GDA: variants seen among roughly 807,000 people sequenced by gnomAD.
GDA encodes cytoplasmic PSD-95 interactor.
In GDA, 18 loss-of-function variants were observed where a neutral mutation model predicts 59.6. That is an observed-to-expected ratio of 0.30 (90% CI 0.21 to 0.45). The LOEUF is 0.45. Among genes scored for constraint, GDA ranks in the 20% least tolerant of loss-of-function variants. The pLI is 1.00. For synonymous variants in GDA, 201 were observed against 201.1 expected, an observed-to-expected ratio of 1.00 and a Z score of 0.00; for missense variants, 427 against 552.3, an observed-to-expected ratio of 0.77 and a Z score of 2.27.
At chr9:72,219,991 A>G (rs771364600) in intron 6 of GDA, among the ~76,000 whole-genome samples, 20 of 152,244 alleles carry the variant, frequency 1.3e-4, no homozygotes, top group Non-Finnish European at 1.5e-5. Context: ...TCATTGCAGT[A>G]TCATTCAGAA....
Position 72,123,475 on chromosome 9 carries a change from G to C in GDA, c.-100+8642G>C, listed in dbSNP as rs558079468. ...TGGGATGACAGGCGTAAGCCACCAT[G>C]CCCGGCCTTTTTTTTTTTTTTTTTT... On this transcript the variant is annotated intron_variant, in intron 1 of 13. Coordinates refer to the GDA transcript ENST00000545168. Among the ~76,000 whole-genome samples the C allele has an allele frequency of 2.1e-4, 28 of 130,688 alleles. No homozygotes were observed. The East Asian group carries it at 4.9e-3, about 23-fold the overall frequency. 85.7% of individuals were successfully genotyped at this position (130,688 alleles called of 152,430 possible).
intron 3 of GDA, 141 bp downstream of exon 3, chr9:72,202,883 G>GA: frequency 2.0e-6 from 1 of 493,350 alleles, no homozygotes; most frequent in Non-Finnish European, 3.4e-6. Flanking sequence ...CTTTTTCACA[G>GA]TCCAGTGAGT....
At chr9:72,206,698 AGGAGGT>A (rs1303025032) in intron 3 of GDA, among the ~76,000 whole-genome samples, 2 of 152,070 alleles carry the variant, frequency 1.3e-5, no homozygotes, top group Non-Finnish European at 2.9e-5. Flanking sequence ...TCTTGAACCC[AGGAGGT>A]GGAGGTTGCA....
chr9:72,242,254 T>C (rs1051245292), intron 11 of GDA, among the ~76,000 whole-genome samples: 1 of 152,198 alleles, frequency 6.6e-6, no homozygotes, highest in African/African-American at 2.4e-5. Context: ...GTTCATATAC[T>C]TAAGTACACT....
At position 72,149,450 on chromosome 9, in the gene GDA, C is replaced by T; in HGVS notation, c.-110C>T. The T allele has an allele frequency of 2.2e-6, 3 of 1,349,492 alleles. No homozygotes were observed. The highest frequency in any genetic ancestry group is 3.0e-6 in the Non-Finnish European group (3 of 994,942). 83.6% of individuals were successfully genotyped at this position (1,349,492 alleles called of 1,614,324 possible). On this transcript the variant is annotated 5_prime_UTR_variant, in exon 1 of 14. Transcript: ENST00000358399. The stretch of plus-strand genomic sequence containing the variant: ...CGGGTAAGCGGGGGCAGGACAAGGC[C>T]GGAGCCTGTGTCCGCCCGGCAGCCG...
intron 1 of GDA, among the ~76,000 whole-genome samples, chr9:72,171,566 T>A (rs1829977227): frequency 6.7e-6 from 1 of 150,176 alleles, no homozygotes; most frequent in South Asian, 2.1e-4. Flanking sequence ...CCAGAAAACA[T>A]TTTTTTTTTC....
intron 1 of GDA, among the ~76,000 whole-genome samples, chr9:72,166,127 T>C (rs969047565): frequency 1.4e-4 from 21 of 152,298 alleles, no homozygotes; most frequent in African/African-American, 5.1e-4. Context: ...TGTTTTTCAC[T>C]GTCCTGACAA....
intron 1 of GDA, among the ~76,000 whole-genome samples, chr9:72,187,350 G>A (rs1024594576): frequency 4.6e-5 from 7 of 152,182 alleles, no homozygotes; most frequent in African/African-American, 1.7e-4. Flanking sequence ...TATCTTGACA[G>A]TGAGTTGTTA....
At chr9:72,154,713 G>A (rs941655396) in intron 1 of GDA, among the ~76,000 whole-genome samples, 1 of 152,212 alleles carries the variant, frequency 6.6e-6, no homozygotes, top group African/African-American at 2.4e-5. Flanking sequence ...GAGAAGTCAT[G>A]CATTCAGATA....
intron 1 of GDA, among the ~76,000 whole-genome samples, chr9:72,180,135 G>A (rs1221003253): frequency 6.6e-6 from 1 of 152,084 alleles, no homozygotes; most frequent in African/African-American, 2.4e-5. Context: ...AAGAGGAGCG[G>A]ATCATGAGGT....
chr9:72,258,539 A>G (rs1194499248), downstream of GDA, among the ~76,000 whole-genome samples: 2 of 152,200 alleles, frequency 1.3e-5, no homozygotes, highest in Admixed American at 1.3e-4. Flanking sequence ...TCTTCCCCTG[A>G]TTCAGGAATA....
rs553061637 is a variant in GDA, at chr9:72,132,060, A to G, written c.-100+17227A>G. On this transcript the variant is annotated intron_variant, in intron 1 of 13. Coordinates refer to the GDA transcript ENST00000545168. ...TCAGATCTTATGAGACTCATTCACT[A>G]TCATGAGAACAGTGCAGGAAATACC... Among the ~76,000 whole-genome samples the G allele has an allele frequency of 1.7e-4, 26 of 152,282 alleles. 1 individual carries two copies. The highest frequency in any genetic ancestry group is 1.5e-3 in the Admixed American group (23 of 15,300).
At chr9:72,154,065 A>G (rs1257531494) in intron 1 of GDA, among the ~76,000 whole-genome samples, 1 of 152,184 alleles carries the variant, frequency 6.6e-6, no homozygotes, top group Non-Finnish European at 1.5e-5. Flanking sequence ...TTCTTCCCAC[A>G]TACATCAGGG....
chr9:72,227,963 C>T lies in GDA; in HGVS notation c.843C>T (p.Cys281=). 6.2e-7 allele frequency: 1 copy of T among 1,604,948 alleles called. No individual in the cohort carries two copies. The highest frequency in any genetic ancestry group is 1.1e-5 in the South Asian group (1 of 90,578). ...LTNKTVMAHG[C]YLSAEELNVF... ...TCCAGACAGTGATGGCACACGGCTG[C>T]TACCTCTCTGCAGAAGAACTGAACG... The change falls in exon 9 of 14, where the codon TGC becomes TGT. Residue 281 remains cysteine, a synonymous_variant. Coordinates refer to ENST00000358399, the MANE Select transcript of GDA (RefSeq NM_004293.5).
At chr9:72,236,139 A>G (rs1292970437) in intron 10 of GDA, among the ~76,000 whole-genome samples, 1 of 152,140 alleles carries the variant, frequency 6.6e-6, no homozygotes, top group Admixed American at 6.5e-5. Context: ...CCTTGGAAAC[A>G]TTCTCGCTTT....
chr9:72,249,633 T>A lies in GDA; in HGVS notation c.*1291T>A, dbSNP rs979920202. Reference sequence around the variant, plus strand: ...GAATTAAAACCAAATTATGACCTTATGATAAATCTTTAAGTATTGGTGTGA... The same window carrying A: ...GAATTAAAACCAAATTATGACCTTAAGATAAATCTTTAAGTATTGGTGTGA... On this transcript the variant is annotated 3_prime_UTR_variant, in exon 14 of 14. Transcript: ENST00000358399. 1.5e-6 allele frequency: 1 copy of A among 648,774 alleles called. No homozygotes were observed. Among genetic ancestry groups the A allele is most frequent in the Non-Finnish European group, 1.9e-6 (1 of 523,090 alleles). 40.2% of individuals were successfully genotyped at this position (648,774 alleles called of 1,614,324 possible). A position where few individuals can be genotyped will look rare whatever the true frequency, so the allele number is the denominator to read the frequency against.
At chr9:72,140,393 A>G (rs1177240701) in intron 1 of GDA, among the ~76,000 whole-genome samples, 5 of 152,172 alleles carry the variant, frequency 3.3e-5, no homozygotes, top group Non-Finnish European at 5.9e-5. Flanking sequence ...GGAAAAGAGG[A>G]GGAAAGAGGG....
Position 72,223,194 on chromosome 9 carries a change from C to T in GDA, c.681C>T (p.Gly227=). The change falls in exon 7 of 14, where the codon GGC becomes GGT. Residue 227 remains glycine, a synonymous_variant. Coordinates refer to ENST00000358399, the MANE Select transcript of GDA (RefSeq NM_004293.5). Reference sequence around the variant, plus strand: ...CTGAGACTTTGATGGGTGAACTGGGCAACATTGCTAAAACCCGTGATTTGC... The same window carrying T: ...CTGAGACTTTGATGGGTGAACTGGGTAACATTGCTAAAACCCGTGATTTGC... ...SCSETLMGEL[G]NIAKTRDLHI... is the part of the protein sequence containing the mutation. 1 of 1,612,296 alleles carries T rather than the reference C, an allele frequency of 6.2e-7. No homozygotes were observed. The highest frequency in any genetic ancestry group is 8.5e-7 in the Non-Finnish European group (1 of 1,178,464).
chr9:72,152,886 A>G (rs1392153132), intron 1 of GDA, among the ~76,000 whole-genome samples: 2 of 152,154 alleles, frequency 1.3e-5, no homozygotes, highest in Non-Finnish European at 2.9e-5. Context: ...CCTGAATGGT[A>G]ATGCCTAGGT....
Sources: gnomAD v4.1 joint callset for allele counts (sites outside exome capture counted in the v4.1 genomes callset) on GRCh38, gnomAD v4.1.1 for gene constraint, MANE v1.5 for transcripts, NCBI Gene and HGNC (gene_info 2026-07-23, HGNC 2026-07-21) for gene names.